Variants in PTPRM observed in about 807,000 individuals in gnomAD.
PTPRM encodes protein tyrosine phosphatase receptor type M.
In PTPRM, 47 loss-of-function variants were observed where a neutral mutation model predicts 186.7. The observed-to-expected ratio is 0.25, with a 90% confidence interval of 0.20 to 0.32. The LOEUF (loss-of-function observed/expected upper bound fraction) is 0.32, where lower values mean the gene tolerates loss of function less well. Ranked by LOEUF, PTPRM falls within the 10% of genes least tolerant of loss-of-function variation. The pLI, the probability that PTPRM is intolerant of heterozygous loss-of-function variation, is 1.00. For synonymous variants in PTPRM, 668 were observed against 674.9 expected (o/e 0.99, Z 0.16); for missense variants, 1,494 against 1,865.0 (o/e 0.80, Z 3.66).
chr18:8,091,050 C>G (rs1271850566), intron 11 of PTPRM, among the ~76,000 whole-genome samples: 4 of 152,108 alleles, frequency 2.6e-5, no homozygotes, highest in East Asian at 1.9e-4. Context: ...TTGTTGCTTA[C>G]TTTTACACAT....
intron 14 of PTPRM, among the ~76,000 whole-genome samples, chr18:8,238,660 T>TTTG (rs1568578195): frequency 7.4e-5 from 10 of 135,202 alleles, no homozygotes; most frequent in African/African-American, 2.5e-4. Flanking sequence ...TGTTTTTTTT[T>TTTG]TTTTTTTTTT....
intron 20 of PTPRM, among the ~76,000 whole-genome samples, chr18:8,313,643 T>G (rs747115979): frequency 1.3e-4 from 19 of 151,958 alleles, no homozygotes; most frequent in Non-Finnish European, 2.4e-4. Flanking sequence ...TTTGGCTACA[T>G]GAATGAGTTC....
At chr18:8,249,392 C>T (rs115592312) in intron 17 of PTPRM, among the ~76,000 whole-genome samples, 66 of 152,216 alleles carry the variant, frequency 4.3e-4, no homozygotes, top group African/African-American at 1.4e-3. Flanking sequence ...TAACAAAGCC[C>T]ACTAAACCCT....
rs573864340 is a variant in PTPRM at position 7,620,056 on chromosome 18, T to G, written c.73+52165T>G. 2.0e-5 allele frequency among the ~76,000 whole-genome samples: 3 copies of G among 152,188 alleles called. No individual in the cohort carries two copies. In the South Asian group the frequency reaches 6.2e-4, roughly 32 times the overall value. ...TGCAGCATGACTTAGCCTGCCCCGA[T>G]GCATACAACCTATAAAGTACTAGAT... On this transcript the variant is annotated intron_variant, in intron 1 of 32. Coordinates refer to ENST00000580170, the MANE Select transcript of PTPRM (RefSeq NM_001105244.2).
intron 32 of PTPRM, among the ~76,000 whole-genome samples, chr18:8,402,067 A>G (rs2095875161): frequency 1.3e-5 from 2 of 152,252 alleles, no homozygotes; most frequent in Non-Finnish European, 2.9e-5. Context: ...CCTGGAGCAC[A>G]GGGATGGCTC....
At chr18:8,094,001 T>C (rs1170391029) in intron 11 of PTPRM, among the ~76,000 whole-genome samples, 1 of 152,212 alleles carries the variant, frequency 6.6e-6, no homozygotes, top group African/African-American at 2.4e-5. Context: ...ATAATTATGT[T>C]AGAATTCACT....
At chr18:7,932,302 C>T (rs935426928) in intron 5 of PTPRM, among the ~76,000 whole-genome samples, 8 of 152,138 alleles carry the variant, frequency 5.3e-5, no homozygotes, top group African/African-American at 1.9e-4. Flanking sequence ...GAGGTCCATA[C>T]CATTTTTAAA....
chr18:8,376,447 C>T lies in PTPRM; in HGVS notation c.3327-15C>T. ...GTCCTTCTTCCTCCACTGACAGACCCCCCTTTTCATTCAGTGCTGGTGCAG... is the reference window on the plus strand; with the variant it reads ...GTCCTTCTTCCTCCACTGACAGACCTCCCTTTTCATTCAGTGCTGGTGCAG... On this transcript the variant is annotated splice_polypyrimidine_tract_variant and intron_variant, in intron 25 of 32. Coordinates refer to ENST00000580170, the MANE Select transcript of PTPRM (RefSeq NM_001105244.2). 1 of 1,614,102 alleles carries T rather than the reference C, an allele frequency of 6.2e-7. No individual in the cohort carries two copies. Among genetic ancestry groups the T allele is most frequent in the Non-Finnish European group, 8.5e-7 (1 of 1,179,998 alleles).
At chr18:8,188,198 A>G (rs1457616577) in intron 14 of PTPRM, among the ~76,000 whole-genome samples, 5 of 152,238 alleles carry the variant, frequency 3.3e-5, no homozygotes, top group Non-Finnish European at 2.9e-5. Context: ...ATCCAGAAGC[A>G]CATAGTTCAG....
intron 5 of PTPRM, among the ~76,000 whole-genome samples, chr18:7,948,263 G>A (rs2052687917): frequency 6.6e-6 from 1 of 151,854 alleles, no homozygotes; most frequent in Non-Finnish European, 1.5e-5. Context: ...ATATATATGT[G>A]TGTGTATATA....
intron 7 of PTPRM, among the ~76,000 whole-genome samples, chr18:8,006,909 A>G (rs2084221631): frequency 6.6e-6 from 1 of 152,258 alleles, no homozygotes. Flanking sequence ...AAATTACCTC[A>G]GTTAGATAAC....
intron 2 of PTPRM, among the ~76,000 whole-genome samples, chr18:7,827,054 A>G (rs1028968597): frequency 6.6e-6 from 1 of 152,228 alleles, no homozygotes. Flanking sequence ...GTGAGCTGTG[A>G]TCATGCCATT....
In PTPRM at chr18:8,391,821, A is replaced by G. The variant is rs534746338; in HGVS notation, c.4209-2655A>G. ...CGATGATCTCTCTTAAAACCATAAA[A>G]CAAGGGACAACCAGATATTTTTGGC... On this transcript the variant is annotated intron_variant, in intron 31 of 32. Coordinates refer to ENST00000580170, the MANE Select transcript of PTPRM (RefSeq NM_001105244.2). Among the ~76,000 whole-genome samples, 6 of 152,364 alleles carry G rather than the reference A, an allele frequency of 3.9e-5. No individual in the cohort carries two copies. The South Asian group carries it at 1.2e-3, about 32-fold the overall frequency.
chr18:7,767,730 A>G (rs1308507569), intron 1 of PTPRM, among the ~76,000 whole-genome samples: 1 of 152,234 alleles, frequency 6.6e-6, no homozygotes, highest in African/African-American at 2.4e-5. Flanking sequence ...AAAGAAAGAG[A>G]ATTCAACTTT....
At position 7,800,113 on chromosome 18, in the gene PTPRM, A is replaced by G. The variant is rs2043876187; in HGVS notation, c.196+25842A>G. 3.3e-5 allele frequency among the ~76,000 whole-genome samples: 5 copies of G among 152,324 alleles called. No individual in the cohort carries two copies. In the South Asian group the frequency reaches 1.0e-3, roughly 32 times the overall value. ...GTTGTCCCAGCTACTGCAAGCCCAC[A>G]TTAATTGTACCTATTACTAGTATGA... On this transcript the variant is annotated intron_variant, in intron 2 of 32. Coordinates refer to ENST00000580170, the MANE Select transcript of PTPRM (RefSeq NM_001105244.2).
chr18:8,147,410 A>G (rs1337686516), intron 14 of PTPRM, among the ~76,000 whole-genome samples: 2 of 152,126 alleles, frequency 1.3e-5, no homozygotes, highest in Non-Finnish European at 2.9e-5. Flanking sequence ...CTCTATAGCA[A>G]TTGCGAATGG....
At chr18:7,605,961 G>T (rs567178009) in intron 1 of PTPRM, among the ~76,000 whole-genome samples, 1 of 152,126 alleles carries the variant, frequency 6.6e-6, no homozygotes, top group Non-Finnish European at 1.5e-5. Flanking sequence ...CCTTGTTTCT[G>T]GGGATGAGCA....
At chr18:7,811,918 T>C (rs2145490018) in intron 2 of PTPRM, among the ~76,000 whole-genome samples, 1 of 152,312 alleles carries the variant, frequency 6.6e-6, no homozygotes, top group Non-Finnish European at 1.5e-5. Context: ...CCTGAGAGAC[T>C]GGATAGATTA....
chr18:7,922,970 G>T (rs762056268), intron 4 of PTPRM, among the ~76,000 whole-genome samples: 1 of 152,064 alleles, frequency 6.6e-6, no homozygotes, highest in Non-Finnish European at 1.5e-5. Flanking sequence ...ATTTTTTGTT[G>T]TGGGGGCTAT....
Sources: allele counts gnomAD v4.1 joint callset (sites outside exome capture counted in the v4.1 genomes callset), GRCh38; gene constraint gnomAD v4.1.1; transcripts MANE v1.5; gene names NCBI Gene and HGNC (gene_info 2026-07-23, HGNC 2026-07-21).